The following USP32 variants were observed in gnomAD, a reference collection of about 807,000 sequenced individuals.
The protein encoded by USP32 is ubiquitin carboxyl-terminal hydrolase 32.
In USP32, 59 loss-of-function variants were observed where a neutral mutation model predicts 204.8. That is an observed-to-expected ratio of 0.29 (90% CI 0.23 to 0.36). The LOEUF is 0.36. Ranked by LOEUF, USP32 falls within the 10% of genes least tolerant of loss-of-function variation. The probability of loss-of-function intolerance (pLI) is 1.00; values close to 1 mark genes in which losing one functional copy is unlikely to be tolerated. For missense variants in USP32, 1,160 were observed against 1,946.4 expected (o/e 0.60, Z 7.60); for synonymous variants, 517 against 678.4 (o/e 0.76, Z 3.70).
intron 21 of USP32, among the ~76,000 whole-genome samples, chr17:60,210,364 T>A (rs1318024954): frequency 6.6e-6 from 1 of 151,946 alleles, no homozygotes; most frequent in Non-Finnish European, 1.5e-5. Flanking sequence ...CAGGCTGGAG[T>A]ACAGTGGTGC....
intron 1 of USP32, among the ~76,000 whole-genome samples, chr17:60,384,791 CAAA>C (rs78025849): frequency 8.2e-6 from 1 of 121,438 alleles, no homozygotes. Context: ...AAACTCCGTC[CAAA>C]AAAAAAAAAA....
chr17:60,273,331 A>C (rs762823540), intron 5 of USP32, among the ~76,000 whole-genome samples: 1 of 152,126 alleles, frequency 6.6e-6, no homozygotes, highest in Non-Finnish European at 1.5e-5. Context: ...CAGGGCTGGG[A>C]GATGTCTGAG....
At chr17:60,191,400 TAA>T (rs1158204624) in intron 28 of USP32, among the ~76,000 whole-genome samples, 2 of 58,406 alleles carry the variant, frequency 3.4e-5, no homozygotes, top group African/African-American at 1.0e-4. Context: ...AGACTCTGTT[TAA>T]AAAAAAAAAA....
chr17:60,242,390 C>T (rs1450329420), intron 11 of USP32, among the ~76,000 whole-genome samples: 2 of 152,044 alleles, frequency 1.3e-5, no homozygotes, highest in Non-Finnish European at 2.9e-5. Context: ...ATAAAAATAA[C>T]CATTGACCAA....
At chr17:60,292,142 T>C (rs1004856427) in intron 4 of USP32, among the ~76,000 whole-genome samples, 17 of 152,200 alleles carry the variant, frequency 1.1e-4, no homozygotes, top group Admixed American at 3.3e-4. Context: ...AACATTGTCC[T>C]CAGTTGGCTT....
Position 60,272,390 on chromosome 17 carries a change from G to A in USP32, c.572-909C>T, listed in dbSNP as rs1414828547. On this transcript the variant is annotated intron_variant, in intron 5 of 33. Coordinates refer to ENST00000300896, the MANE Select transcript of USP32 (RefSeq NM_032582.4). ...TTCCTCAGAATATACATCAAAAATC[G>A]CAAATAGGCTCTAAACCATTTTATC... Among the ~76,000 whole-genome samples the A allele has an allele frequency of 2.0e-5, 3 of 152,122 alleles. No homozygotes were observed. The East Asian group carries it at 5.8e-4, about 29-fold the overall frequency.
chr17:60,305,963 C>T (rs1224305186), intron 2 of USP32, among the ~76,000 whole-genome samples: 2 of 152,080 alleles, frequency 1.3e-5, no homozygotes, highest in African/African-American at 4.8e-5. Flanking sequence ...TAAGAGGAAG[C>T]CCCCAAAAAT....
chr17:60,388,289 T>TACACACACACACACACACACACACAC lies in USP32; in HGVS notation c.58+3567_58+3592dup, dbSNP rs35068599. ...GAATCATTTTAATTCAGCCGATTCT[T>TACACACACACACACACACACACACAC]ACACACACACACACACACACACACA... On this transcript the variant is annotated intron_variant, in intron 1 of 33. Coordinates refer to ENST00000300896, the MANE Select transcript of USP32 (RefSeq NM_032582.4). Among the ~76,000 whole-genome samples the TACACACACACACACACACACACACAC allele has an allele frequency of 1.4e-3, 198 of 142,002 alleles. 2 individuals carry two copies. Among genetic ancestry groups the TACACACACACACACACACACACACAC allele is most frequent in the African/African-American group, 4.5e-3 (167 of 37,074 alleles). 93.2% of individuals were successfully genotyped at this position (142,002 alleles called of 152,430 possible).
At chr17:60,393,904 G>A (rs992335640), upstream of USP32, among the ~76,000 whole-genome samples, 5 of 151,992 alleles carry the variant, frequency 3.3e-5, no homozygotes, top group Non-Finnish European at 5.9e-5. Context: ...GGCTGTTCTC[G>A]AACTCGCAAC....
At chr17:60,199,246 A>G (rs1450662175) in intron 26 of USP32, among the ~76,000 whole-genome samples, 1 of 152,196 alleles carries the variant, frequency 6.6e-6, no homozygotes, top group Non-Finnish European at 1.5e-5. Flanking sequence ...AGATTTGTGA[A>G]ACCTAGTAAT....
At chr17:60,281,535 C>CA (rs1434012835) in intron 5 of USP32, among the ~76,000 whole-genome samples, 4,795 of 94,212 alleles carry the variant, frequency 0.051, 143 homozygotes, top group African/African-American at 0.12. Flanking sequence ...GACTCCGTCT[C>CA]AAAAAAAAAA....
At position 60,219,753 on chromosome 17, in the gene USP32, A is replaced by C. The variant is rs2085197290; in HGVS notation, c.1784T>G (p.Leu595Arg). 1 of 1,612,940 alleles carries C rather than the reference A, an allele frequency of 6.2e-7. No individual in the cohort carries two copies. Among genetic ancestry groups the C allele is most frequent in the Non-Finnish European group, 8.5e-7 (1 of 1,179,618 alleles). Residue 595 changes from leucine (L) to arginine (R), a missense_variant, in exon 16 of 34, where the codon CTG (leucine) becomes CGG (arginine). Leu to Arg is a moderately radical substitution (Grantham distance 102). Transcript: ENST00000300896. ...GAGAAGATAGCGGGGAAATAATTCC[A>C]GCTCTGGGATGTCTGTCTTGCTGTT... ...IKNSKTDIPE[L>R]ELFPRYLLFL...
chr17:60,271,922 C>A (rs1408265490), intron 5 of USP32, among the ~76,000 whole-genome samples: 1 of 151,920 alleles, frequency 6.6e-6, no homozygotes, highest in Non-Finnish European at 1.5e-5. Context: ...AGCCATCTTC[C>A]CACCTCAGCC....
chr17:60,235,614 T>C (rs2085702750), intron 12 of USP32, among the ~76,000 whole-genome samples: 1 of 152,236 alleles, frequency 6.6e-6, no homozygotes, highest in East Asian at 1.9e-4. Flanking sequence ...AATACTTGAT[T>C]CTTGGCATTA....
chr17:60,225,975 A>C lies in USP32; in HGVS notation c.1432+64T>G, dbSNP rs2085375750. The C allele has an allele frequency of 7.5e-6, 11 of 1,469,924 alleles. No individual in the cohort carries two copies. In the South Asian group the frequency reaches 1.5e-4, roughly 20 times the overall value. The allele number at this position is 1,469,924 out of a possible 1,614,324, so 91.1% of individuals were successfully genotyped here. On this transcript the variant is annotated intron_variant, in intron 13 of 33. Transcript: ENST00000300896. ...CTCAAAAAAAAAAAAAAAAAAGAAA[A>C]GAAAAGAAAGACCTATCCAGGGGGA...
chr17:60,324,299 TA>T (rs2088180219), intron 2 of USP32, among the ~76,000 whole-genome samples: 3 of 150,288 alleles, frequency 2.0e-5, no homozygotes, highest in African/African-American at 7.3e-5. Context: ...TATATATATA[TA>T]TATTTTAATT....
chr17:60,240,451 A>G lies in USP32; in HGVS notation c.1137-4211T>C, dbSNP rs375694727. Among the ~76,000 whole-genome samples, 84 of 152,000 alleles carry G rather than the reference A, an allele frequency of 5.5e-4. 4 individuals are homozygous for G. The South Asian group carries it at 0.017, about 30-fold the overall frequency. ...AGAAGTGGGGAGAGGGAGAGAAGAA[A>G]AGAGAGAGGGAGGGAGAGAGAGGAA... On this transcript the variant is annotated intron_variant, in intron 11 of 33. Coordinates refer to ENST00000300896, the MANE Select transcript of USP32 (RefSeq NM_032582.4).
intron 11 of USP32, among the ~76,000 whole-genome samples, chr17:60,242,602 G>C (rs145836234): frequency 3.9e-5 from 6 of 152,096 alleles, no homozygotes; most frequent in African/African-American, 1.4e-4. Flanking sequence ...GTAGAGATAG[G>C]GTTTCGCCAT....
intron 1 of USP32, among the ~76,000 whole-genome samples, chr17:60,415,203 TG>T (rs1300666743): frequency 6.6e-6 from 1 of 152,152 alleles, no homozygotes; most frequent in Non-Finnish European, 1.5e-5. Context: ...TCCTATCCAC[TG>T]GGGAGGGCTG....
Sources: allele counts gnomAD v4.1 joint callset (sites outside exome capture counted in the v4.1 genomes callset), GRCh38; gene constraint gnomAD v4.1.1; transcripts MANE v1.5; gene names NCBI Gene and HGNC (gene_info 2026-07-23, HGNC 2026-07-21).